The following CCSER1 variants were observed in gnomAD, a reference collection of about 807,000 sequenced individuals.
The protein encoded by CCSER1 is serine-rich coiled-coil domain-containing protein 1.
CCSER1 carries 41 observed loss-of-function variants against 82.0 expected under a neutral mutation model. The observed-to-expected ratio is 0.50, with a 90% CI of 0.39 to 0.65. The LOEUF (loss-of-function observed/expected upper bound fraction) is 0.65. Ranked by LOEUF, CCSER1 falls within the 30% of genes least tolerant of loss-of-function variation. The pLI is 0.00. For synonymous variants in CCSER1, 414 were observed against 383.9 expected (o/e 1.08, Z -0.92); for missense variants, 1,119 against 1,064.2 (o/e 1.05, Z -0.72).
At chr4:90,816,853 G>A (rs1313934247) in intron 8 of CCSER1, among the ~76,000 whole-genome samples, 1 of 152,088 alleles carries the variant, frequency 6.6e-6, no homozygotes, top group Admixed American at 6.5e-5. Context: ...GAAATTCAGA[G>A]CATAGTTTAT....
chr4:90,766,286 T>TAAAA (rs1751204751), intron 7 of CCSER1, among the ~76,000 whole-genome samples: 1 of 152,214 alleles, frequency 6.6e-6, no homozygotes, highest in Admixed American at 6.5e-5. Context: ...TGTGTCCACA[T>TAAAA]AATTTCCCAA....
intron 8 of CCSER1, among the ~76,000 whole-genome samples, chr4:90,823,998 TC>T (rs1375377815): frequency 6.6e-6 from 1 of 152,022 alleles, no homozygotes; most frequent in Non-Finnish European, 1.5e-5. Context: ...TATTATTTAA[TC>T]CTATGTTTTT....
intron 10 of CCSER1, among the ~76,000 whole-genome samples, chr4:91,363,351 GAT>G (rs1158805394): frequency 2.0e-5 from 2 of 97,678 alleles, no homozygotes; most frequent in Non-Finnish European, 4.0e-5. Flanking sequence ...ATAGGATGGA[GAT>G]ATTTTGTGTG....
chr4:91,590,261 A>G (rs1764201500), intron 10 of CCSER1, among the ~76,000 whole-genome samples: 1 of 151,996 alleles, frequency 6.6e-6, no homozygotes, highest in South Asian at 2.1e-4. Context: ...GACAATGTGC[A>G]CCATTCCACA....
intron 1 of CCSER1, among the ~76,000 whole-genome samples, chr4:90,227,456 T>C (rs1290424073): frequency 6.6e-6 from 1 of 152,246 alleles, no homozygotes; most frequent in Admixed American, 6.5e-5. Flanking sequence ...CACAGAGTCA[T>C]TTGAATCTGC....
intron 1 of CCSER1, among the ~76,000 whole-genome samples, chr4:90,207,185 C>T (rs1295608769): frequency 1.3e-5 from 2 of 151,998 alleles, no homozygotes; most frequent in Non-Finnish European, 2.9e-5. Context: ...AGCCTGTTTA[C>T]ATTTAAGGTT....
At chr4:91,512,472 C>T (rs536484952) in intron 10 of CCSER1, among the ~76,000 whole-genome samples, 11 of 152,252 alleles carry the variant, frequency 7.2e-5, no homozygotes, top group Non-Finnish European at 1.0e-4. Flanking sequence ...GCTGCACTGT[C>T]GGCTTCCCTA....
intron 10 of CCSER1, among the ~76,000 whole-genome samples, chr4:91,278,326 C>T (rs1316397153): frequency 6.6e-6 from 1 of 152,114 alleles, no homozygotes; most frequent in African/African-American, 2.4e-5. Context: ...CTTCCCTTTA[C>T]ATCTGGTAAT....
intron 5 of CCSER1, among the ~76,000 whole-genome samples, chr4:90,617,170 C>T (rs751648167): frequency 4.6e-5 from 7 of 151,942 alleles, no homozygotes; most frequent in East Asian, 3.9e-4. Context: ...TATAAAACAA[C>T]GTAGTACGAT....
At chr4:91,093,252 C>T (rs749886733) in intron 10 of CCSER1, among the ~76,000 whole-genome samples, 8 of 152,202 alleles carry the variant, frequency 5.3e-5, no homozygotes, top group African/African-American at 1.2e-4. Flanking sequence ...CTCCCATCCA[C>T]GTATAACTCC....
At chr4:90,791,649 G>A (rs185757597) in intron 7 of CCSER1, among the ~76,000 whole-genome samples, 5 of 152,068 alleles carry the variant, frequency 3.3e-5, no homozygotes, top group South Asian at 2.1e-4. Context: ...AGGAGATCAA[G>A]ACCATCCTGG....
intron 4 of CCSER1, among the ~76,000 whole-genome samples, chr4:90,443,287 T>G (rs1428935692): frequency 6.6e-6 from 1 of 152,132 alleles, no homozygotes; most frequent in Non-Finnish European, 1.5e-5. Flanking sequence ...ATTTCCAGCA[T>G]CATTATTCTT....
At position 91,530,495 on chromosome 4, in the gene CCSER1, G is replaced by T. The variant is rs2110166411; in HGVS notation, c.2218-68077G>T. On this transcript the variant is annotated intron_variant, in intron 10 of 10. Coordinates refer to ENST00000509176, the MANE Select transcript of CCSER1 (RefSeq NM_001145065.2). ...CAATTGTATGTTTCATGCCAGACAAGTTGTACTGCTCTGGCATTAATAAAA... is the reference window on the plus strand; with the variant it reads ...CAATTGTATGTTTCATGCCAGACAATTTGTACTGCTCTGGCATTAATAAAA... Among the ~76,000 whole-genome samples, 2 of 152,052 alleles carry T rather than the reference G, an allele frequency of 1.3e-5. 1 individual carries two copies. The highest frequency in any genetic ancestry group is 4.2e-4 in the South Asian group (2 of 4,810).
At chr4:90,453,693 G>C (rs188632352) in intron 4 of CCSER1, among the ~76,000 whole-genome samples, 4 of 152,166 alleles carry the variant, frequency 2.6e-5, no homozygotes, top group African/African-American at 9.7e-5. Context: ...GAGGAGTTGG[G>C]CTTTCAGGCA....
chr4:90,447,782 A>G (rs1458930807), intron 4 of CCSER1, among the ~76,000 whole-genome samples: 2 of 152,202 alleles, frequency 1.3e-5, no homozygotes, highest in African/African-American at 4.8e-5. Flanking sequence ...CAGCTGACAC[A>G]CATGAAAATT....
chr4:90,227,532 C>T (rs981585015), intron 1 of CCSER1, among the ~76,000 whole-genome samples: 2 of 152,138 alleles, frequency 1.3e-5, no homozygotes, highest in Non-Finnish European at 2.9e-5. Flanking sequence ...AAATTAAGCA[C>T]CTTGCAACAT....
At chr4:90,526,546 C>T (rs1419029931) in intron 5 of CCSER1, among the ~76,000 whole-genome samples, 1 of 152,062 alleles carries the variant, frequency 6.6e-6, no homozygotes, top group Admixed American at 6.6e-5. Context: ...TTAACCTACC[C>T]CTAGCCCACC....
chr4:90,508,439 A>C (rs1771017544), intron 5 of CCSER1, among the ~76,000 whole-genome samples: 1 of 152,014 alleles, frequency 6.6e-6, no homozygotes, highest in African/African-American at 2.4e-5. Context: ...TATCTTGCTC[A>C]CATGAGGTTT....
intron 1 of CCSER1, among the ~76,000 whole-genome samples, chr4:90,170,068 C>T (rs963713847): frequency 4.0e-5 from 6 of 151,852 alleles, no homozygotes; most frequent in Non-Finnish European, 8.8e-5. Context: ...TTATTGGTTT[C>T]TCTAAAAGTT....
Sources: gnomAD v4.1 joint callset for allele counts (sites outside exome capture counted in the v4.1 genomes callset) on GRCh38, gnomAD v4.1.1 for gene constraint, MANE v1.5 for transcripts, NCBI Gene and HGNC (gene_info 2026-07-23, HGNC 2026-07-21) for gene names.